The following FHIP2A variants were observed in gnomAD, a reference collection of about 807,000 sequenced individuals.
The protein encoded by FHIP2A is FHF complex subunit HOOK interacting protein 2A.
In FHIP2A, 46 loss-of-function variants were observed where a neutral mutation model predicts 93.5. The ratio of observed to expected loss-of-function variants is 0.49; its 90% CI spans 0.39 to 0.63. The LOEUF (loss-of-function observed/expected upper bound fraction) is 0.63, where lower values mean the gene tolerates loss of function less well. FHIP2A is among the 20% of genes least tolerant of loss of function. The probability of loss-of-function intolerance (pLI) is 0.00; values close to 1 mark genes in which losing one functional copy is unlikely to be tolerated. For missense variants in FHIP2A, 769 were observed against 909.7 expected (o/e 0.85, Z 1.99); for synonymous variants, 332 against 326.5 (o/e 1.02, Z -0.18).
At chr10:114,860,942 A>T in intron 15 of FHIP2A, 53 bp downstream of exon 15, 1 of 1,501,656 alleles carries the variant, frequency 6.7e-7, no homozygotes, top group South Asian at 1.1e-5. Flanking sequence ...TGTGCAATTA[A>T]TATGTTAATA....
At chr10:114,891,771 C>T (rs1313271084) in intron 16 of FHIP2A, among the ~76,000 whole-genome samples, 2 of 151,870 alleles carry the variant, frequency 1.3e-5, no homozygotes, top group Non-Finnish European at 2.9e-5. Context: ...CATGCACCAC[C>T]ATGCCGGGCC....
At chr10:114,830,258 C>T (rs1187949523) in intron 1 of FHIP2A, among the ~76,000 whole-genome samples, 2 of 147,246 alleles carry the variant, frequency 1.4e-5, no homozygotes, top group Non-Finnish European at 3.0e-5. Context: ...TTTAATATAC[C>T]TCTGAAACCT....
At chr10:114,891,814 C>T (rs2143016245) in intron 16 of FHIP2A, among the ~76,000 whole-genome samples, 1 of 152,066 alleles carries the variant, frequency 6.6e-6, no homozygotes, top group South Asian at 2.1e-4. Context: ...TGCGGTTTCT[C>T]CATGTTGTTC....
chr10:114,822,907 A>G (rs2143008989), intron 1 of FHIP2A, among the ~76,000 whole-genome samples: 1 of 152,386 alleles, frequency 6.6e-6, no homozygotes, highest in South Asian at 2.1e-4. Flanking sequence ...GCATAGAGAC[A>G]GTATTCAAGT....
intron 16 of FHIP2A, among the ~76,000 whole-genome samples, chr10:114,893,473 CA>C (rs1399981113): frequency 1.3e-5 from 2 of 152,126 alleles, no homozygotes; most frequent in Non-Finnish European, 2.9e-5. Context: ...TTCTGAATGC[CA>C]ACCAATCAGC....
chr10:114,872,357 A>T (rs1241935176), intron 16 of FHIP2A, among the ~76,000 whole-genome samples: 1 of 152,166 alleles, frequency 6.6e-6, no homozygotes, highest in Admixed American at 6.5e-5. Context: ...GCGTTTTCTC[A>T]TAAGAGTCAG....
intron 16 of FHIP2A, among the ~76,000 whole-genome samples, chr10:114,890,224 C>T (rs1205909915): frequency 2.6e-5 from 4 of 151,918 alleles, no homozygotes; most frequent in East Asian, 3.9e-4. Flanking sequence ...GACGAGGTTT[C>T]GCTATGTTGG....
intron 1 of FHIP2A, among the ~76,000 whole-genome samples, chr10:114,826,160 A>G (rs568804425): frequency 1.3e-5 from 2 of 152,204 alleles, no homozygotes; most frequent in Non-Finnish European, 2.9e-5. Context: ...CTGAGTCACC[A>G]CGAAAGCCTG....
intron 16 of FHIP2A, among the ~76,000 whole-genome samples, chr10:114,876,211 CTCCAACCCTT>C (rs1398415963): frequency 6.6e-6 from 1 of 152,176 alleles, no homozygotes; most frequent in Non-Finnish European, 1.5e-5. Context: ...TCCCACCTGA[CTCCAACCCTT>C]TCCTCAGGGA....
exon 17 of FHIP2A, chr10:114,899,701 A>C (rs1375723446): frequency 1.9e-6 from 1 of 516,622 alleles, no homozygotes; most frequent in African/African-American, 2.0e-5. Flanking sequence ...GACCAGGCTC[A>C]TCCAAAACAA....
chr10:114,836,009 A>G, intron 4 of FHIP2A, 115 bp from the exon 5 acceptor site: 3 of 705,252 alleles, frequency 4.3e-6, no homozygotes, highest in Non-Finnish European at 4.5e-6. Context: ...TGATTAATGC[A>G]GGATATTTGC....
rs559293065 is a variant in FHIP2A, at chr10:114,846,646, G to A, written c.1486G>A (p.Glu496Lys). 1.2e-6 allele frequency: 2 copies of A among 1,612,182 alleles called. No individual in the cohort carries two copies. The highest frequency in any genetic ancestry group is 1.1e-5 in the South Asian group (1 of 90,468). ...TTACAACTTGGTCTTGAGAAATCTTGAAGAAAGAAATTATACAGAATATAA... is the reference window on the plus strand; with the variant it reads ...TTACAACTTGGTCTTGAGAAATCTTAAAGAAAGAAATTATACAGAATATAA... ...ILYNLVLRNL[E>K]ERNYTEYKPL... The change falls in exon 11 of 17, where the codon GAA (glutamate) becomes AAA (lysine). Residue 496 changes from glutamate to lysine, a missense_variant. By Grantham distance (56) the Glu-to-Lys change is moderately conservative (BLOSUM62 1). Coordinates refer to ENST00000369248, the MANE Select transcript of FHIP2A (RefSeq NM_020940.4).
At chr10:114,873,351 C>T (rs1187464705) in intron 16 of FHIP2A, among the ~76,000 whole-genome samples, 1 of 152,124 alleles carries the variant, frequency 6.6e-6, no homozygotes, top group Non-Finnish European at 1.5e-5. Flanking sequence ...TGATTTTAGT[C>T]ATATCTTATC....
At chr10:114,848,398 A>G (rs963677346) in intron 12 of FHIP2A, among the ~76,000 whole-genome samples, 1 of 152,214 alleles carries the variant, frequency 6.6e-6, no homozygotes, top group Non-Finnish European at 1.5e-5. Flanking sequence ...TAAAACCTTT[A>G]AAATAATGAG....
intron 7 of FHIP2A, among the ~76,000 whole-genome samples, chr10:114,844,854 G>T (rs1218721417): frequency 6.6e-6 from 1 of 152,024 alleles, no homozygotes; most frequent in Non-Finnish European, 1.5e-5. Context: ...AAGCAATCTT[G>T]GCTTACCGCA....
intron 16 of FHIP2A, among the ~76,000 whole-genome samples, chr10:114,885,489 C>A (rs960062213): frequency 4.0e-5 from 6 of 151,738 alleles, no homozygotes; most frequent in Non-Finnish European, 8.8e-5. Flanking sequence ...CTCTGCAGTA[C>A]CCAAGAGGCT....
At chr10:114,855,131 A>G in intron 13 of FHIP2A, 66 bp from the exon 14 acceptor site, 1 of 1,541,652 alleles carries the variant, frequency 6.5e-7, no homozygotes, top group Non-Finnish European at 8.8e-7. Flanking sequence ...TATTTAATGA[A>G]ATCATTTCTA....
At chr10:114,894,252 C>T (rs1187659245) in intron 16 of FHIP2A, among the ~76,000 whole-genome samples, 1 of 152,038 alleles carries the variant, frequency 6.6e-6, no homozygotes, top group Non-Finnish European at 1.5e-5. Context: ...GGCACACAGA[C>T]AGCTGCTAAG....
intron 16 of FHIP2A, among the ~76,000 whole-genome samples, chr10:114,875,939 A>G (rs1015760300): frequency 6.6e-6 from 1 of 151,786 alleles, no homozygotes; most frequent in Admixed American, 6.5e-5. Context: ...AAAGAGAAAG[A>G]AAAAGAACAG....
Sources: allele counts gnomAD v4.1 joint callset (sites outside exome capture counted in the v4.1 genomes callset), GRCh38; gene constraint gnomAD v4.1.1; transcripts MANE v1.5; gene names NCBI Gene and HGNC (gene_info 2026-07-23, HGNC 2026-07-21).